Variants in EHMT2 observed in about 807,000 individuals in gnomAD.
The protein encoded by EHMT2 is euchromatic histone lysine methyltransferase 2.
EHMT2 carries 59 observed loss-of-function variants against 143.3 expected under a neutral mutation model. The observed-to-expected ratio is 0.41, with a 90% CI of 0.33 to 0.51. EHMT2 has a LOEUF of 0.51. Among genes scored for constraint, EHMT2 ranks in the 20% least tolerant of loss-of-function variants. The probability of loss-of-function intolerance (pLI) is 0.18; values close to 1 mark genes in which losing one functional copy is unlikely to be tolerated. For missense variants in EHMT2, 1,174 were observed against 1,645.9 expected (o/e 0.71, Z 4.96); for synonymous variants, 604 against 651.5 (o/e 0.93, Z 1.11).
Position 31,884,020 on chromosome 6 carries a change from A to G in EHMT2, c.2772-70T>C. 6.4e-7 allele frequency: 1 copy of G among 1,564,138 alleles called. No homozygotes were observed. Among genetic ancestry groups the G allele is most frequent in the Non-Finnish European group, 8.7e-7 (1 of 1,151,862 alleles). On this transcript the variant is annotated intron_variant, in intron 21 of 27. Coordinates refer to ENST00000375537, the Ensembl canonical transcript of EHMT2. The surrounding 1 kb of genome is among the most constrained non-coding windows in gnomAD (Gnocchi z 7.3). ...TGAGGAGCTACTCCAGGTATAAGGA[A>G]GAGAGTTGGGGAGGTTCCTGGGGCT...
chr6:31,891,738 ACAATG>A (rs1437715919), intron 7 of EHMT2, among the ~76,000 whole-genome samples: 1 of 152,264 alleles, frequency 6.6e-6, no homozygotes, highest in Non-Finnish European at 1.5e-5. Flanking sequence ...CAAATAAATG[ACAATG>A]CAATGCTTTT....
intron 25 of EHMT2, among the ~76,000 whole-genome samples, chr6:31,882,002 G>C (rs1018003859): frequency 2.6e-5 from 4 of 152,074 alleles, no homozygotes; most frequent in Non-Finnish European, 4.4e-5. Context: ...CTACTTGGGA[G>C]GCTGAGGCAG....
intron 7 of EHMT2, among the ~76,000 whole-genome samples, chr6:31,891,146 T>C (rs1765631567): frequency 6.6e-6 from 1 of 152,054 alleles, no homozygotes; most frequent in Non-Finnish European, 1.5e-5. Context: ...GGTTTCTCCA[T>C]GTTGATCAGG....
chr6:31,887,138 A>G (rs751377042), intron 15 of EHMT2, 37 bp from the exon 16 acceptor site: 1 of 1,548,434 alleles, frequency 6.5e-7, no homozygotes, highest in Non-Finnish European at 8.8e-7. Context: ...AGAGGGAGGG[A>G]CAAGTGGTAA....
Position 31,889,190 on chromosome 6 carries a change from G to A in EHMT2, c.1114+38C>T. The A allele has an allele frequency of 6.4e-7, 1 of 1,573,092 alleles. No individual in the cohort carries two copies. The highest frequency in any genetic ancestry group is 8.6e-7 in the Non-Finnish European group (1 of 1,159,084). On this transcript the variant is annotated intron_variant, in intron 9 of 27. Coordinates refer to ENST00000375537, the Ensembl canonical transcript of EHMT2. The surrounding 1 kb of genome is among the most constrained non-coding windows in gnomAD (Gnocchi z 5.1). ...GCACACACTCTGGGGGGCCGGGCGGGGGCTGGAGGGCACCCAAAAGCAGCA... is the reference window on the plus strand; with the variant it reads ...GCACACACTCTGGGGGGCCGGGCGGAGGCTGGAGGGCACCCAAAAGCAGCA...
At position 31,881,301 on chromosome 6, in the gene EHMT2, G is replaced by C. The variant is rs1262502289; in HGVS notation, c.3198-209C>G. On this transcript the variant is annotated intron_variant, in intron 25 of 27. Coordinates refer to ENST00000375537, the Ensembl canonical transcript of EHMT2. The surrounding 1 kb of genome is among the most constrained non-coding windows in gnomAD (Gnocchi z 4.8). ...GAAGCCTTCAGTCAGCACAGAGACA[G>C]ACAACAAGCTCTGTGGTTAAGGGGA... 5 of 620,994 alleles carry C rather than the reference G, an allele frequency of 8.1e-6. No homozygotes were observed. The East Asian group carries it at 8.2e-5, about 10-fold the overall frequency. 38.5% of individuals were successfully genotyped at this position (620,994 alleles called of 1,614,324 possible). A position where few individuals can be genotyped will look rare whatever the true frequency, so the allele number is the denominator to read the frequency against.
chr6:31,885,055 C>T, intron 18 of EHMT2, 39 bp from the exon 19 acceptor site: 1 of 1,572,636 alleles, frequency 6.4e-7, no homozygotes, highest in Non-Finnish European at 8.7e-7. Context: ...GGCAGCTGGC[C>T]CTGCTCACCA....
At chr6:31,886,710 T>C in intron 17 of EHMT2, 28 bp from the exon 18 acceptor site, 1 of 1,613,950 alleles carries the variant, frequency 6.2e-7, no homozygotes, top group Non-Finnish European at 8.5e-7. Context: ...AAATGAGCCT[T>C]TGGGCTGGCA....
chr6:31,894,216 G>A (rs1030951376), intron 4 of EHMT2, among the ~76,000 whole-genome samples: 6 of 151,758 alleles, frequency 4.0e-5, no homozygotes, highest in South Asian at 2.1e-4. Context: ...GCAGGATCTC[G>A]GCTAACTACA....
chr6:31,883,691 G>GATC lies in EHMT2; in HGVS notation c.2916+114_2916+115insGAT. 7.0e-7 allele frequency: 1 copy of GATC among 1,435,510 alleles called. No individual in the cohort carries two copies. The highest frequency in any genetic ancestry group is 9.6e-7 in the Non-Finnish European group (1 of 1,046,002). 88.9% of individuals were successfully genotyped at this position (1,435,510 alleles called of 1,614,324 possible). A position where few individuals can be genotyped will look rare whatever the true frequency, so the allele number is the denominator to read the frequency against. Reference sequence around the variant, plus strand: ...GGTGGGGATGCGACCCCACACCAGGGCTCCCTTTCAGCCAACCCTTCCTTG... The same window carrying GATC: ...GGTGGGGATGCGACCCCACACCAGGGATCCTCCCTTTCAGCCAACCCTTCCTTG... On this transcript the variant is annotated intron_variant, in intron 22 of 27. Transcript: ENST00000375537. The surrounding 1 kb of genome is among the most constrained non-coding windows in gnomAD (Gnocchi z 5.6).
At position 31,884,761 on chromosome 6, in the gene EHMT2, G is replaced by T; in HGVS notation, c.2487C>A (p.Gly829=). 6.2e-7 allele frequency: 1 copy of T among 1,601,760 alleles called. No homozygotes were observed. The highest frequency in any genetic ancestry group is 8.5e-7 in the Non-Finnish European group (1 of 1,174,590). ...GAAGGACTTCGGCGATGGCGGCGCTGCCCGTGAAGGAGGCCCAGTGCAGGC... is the reference window on the plus strand; with the variant it reads ...GAAGGACTTCGGCGATGGCGGCGCTTCCCGTGAAGGAGGCCCAGTGCAGGC... Residue 829 remains glycine (G), a synonymous_variant, in exon 20 of 28, where the codon GGC becomes GGA. Coordinates refer to ENST00000375537, the Ensembl canonical transcript of EHMT2. This position sits in a 1 kb window ranked among gnomAD's most constrained non-coding sequence, Gnocchi z 7.3.
At chr6:31,885,283 G>A (rs1764686749) in intron 18 of EHMT2, 2 of 391,726 alleles carry the variant, frequency 5.1e-6, no homozygotes, top group Non-Finnish European at 9.2e-6. Context: ...GGAGGCCATT[G>A]TGGCCAACAC....
rs201104297 is a variant in EHMT2 at position 31,889,302 on chromosome 6, C to T, written c.1040G>A (p.Arg347Gln). 48 of 1,612,396 alleles carry T rather than the reference C, an allele frequency of 3.0e-5. No individual in the cohort carries two copies. Among genetic ancestry groups the T allele is most frequent in the Non-Finnish European group, 3.6e-5 (43 of 1,180,020 alleles). The change falls in exon 9 of 28, where the codon CGA becomes CAA. Residue 347 changes from arginine to glutamine, a missense_variant. Around this residue, in one of 6 missense-constraint regions of EHMT2, gnomAD observed 608 missense variants for 903.7 expected, o/e 0.67. Coordinates refer to ENST00000375537, the Ensembl canonical transcript of EHMT2. The surrounding 1 kb of genome is among the most constrained non-coding windows in gnomAD (Gnocchi z 5.1). ...CGGCTTCACCCATGGGCTGTCTTTT[C>T]GCCATTTCTTCTTGGCCTTGCGCCG...
At chr6:31,897,420 G>C (rs1313815385) in intron 1 of EHMT2, among the ~76,000 whole-genome samples, 1 of 149,932 alleles carries the variant, frequency 6.7e-6, no homozygotes, top group Non-Finnish European at 1.5e-5. Flanking sequence ...CGCCCACTCA[G>C]GGGCAGCCGG....
At chr6:31,891,101 T>C (rs1241495997) in intron 7 of EHMT2, among the ~76,000 whole-genome samples, 1 of 151,820 alleles carries the variant, frequency 6.6e-6, no homozygotes, top group Non-Finnish European at 1.5e-5. Context: ...TACCACTACG[T>C]CCAGCTAATT....
In EHMT2 at chr6:31,888,077, T is replaced by C. The variant is rs1324885850; in HGVS notation, c.1709A>G (p.Gln570Arg). The C allele has an allele frequency of 6.2e-7, 1 of 1,603,588 alleles. No individual in the cohort carries two copies. Among genetic ancestry groups the C allele is most frequent in the East Asian group, 2.2e-5 (1 of 44,598 alleles). ...AGTGTCTGCTCTCCCGGGGACATCC[T>C]GGGACAGGGGTGGGGGTGCAGGAGC... The change falls in exon 13 of 28, where the codon CAG becomes CGG. Residue 570 changes from glutamine (Q) to arginine (R), a missense_variant. Coordinates refer to ENST00000375537, the Ensembl canonical transcript of EHMT2. This position sits in a 1 kb window ranked among gnomAD's most constrained non-coding sequence, Gnocchi z 7.4.
At position 31,888,212 on chromosome 6, in the gene EHMT2, G is replaced by C. The variant is rs1255295381; in HGVS notation, c.1574C>G (p.Ser525Cys). 1 of 1,612,898 alleles carries C rather than the reference G, an allele frequency of 6.2e-7. No homozygotes were observed. Among genetic ancestry groups the C allele is most frequent in the Non-Finnish European group, 8.5e-7 (1 of 1,180,010 alleles). The stretch of plus-strand genomic sequence containing the variant: ...ACAGAAGACCATCCCATTCAGCTGA[G>C]ACACACAGGCCTTGTGGAAGCGGTG... The change falls in exon 13 of 28, where the codon TCT becomes TGT. Residue 525 changes from serine to cysteine, a missense_variant. By Grantham distance (112) the Ser-to-Cys change is moderately radical. Transcript: ENST00000375537. This position sits in a 1 kb window ranked among gnomAD's most constrained non-coding sequence, Gnocchi z 7.4.
In EHMT2 at chr6:31,884,232, T is replaced by TA. The variant is rs1346211790; in HGVS notation, c.2771+159dup. 1 of 847,926 alleles carries TA rather than the reference T, an allele frequency of 1.2e-6. No individual in the cohort carries two copies. The highest frequency in any genetic ancestry group is 2.7e-5 in the East Asian group (1 of 37,394). 52.5% of individuals were successfully genotyped at this position (847,926 alleles called of 1,614,324 possible). A position where few individuals can be genotyped will look rare whatever the true frequency, so the allele number is the denominator to read the frequency against. On this transcript the variant is annotated intron_variant, in intron 21 of 27. Coordinates refer to ENST00000375537, the Ensembl canonical transcript of EHMT2. This position sits in a 1 kb window ranked among gnomAD's most constrained non-coding sequence, Gnocchi z 7.3. ...GGGTGTCTTCTATTTTTATTTGCTGTATCTGGCAACCCTAGTGGGGAGGGG... is the reference window on the plus strand; with the variant it reads ...GGGTGTCTTCTATTTTTATTTGCTGTAATCTGGCAACCCTAGTGGGGAGGGG...
At chr6:31,897,167 C>T (rs984720087) in intron 1 of EHMT2, 178 bp from the exon 2 acceptor site, 2 of 1,332,052 alleles carry the variant, frequency 1.5e-6, no homozygotes, top group South Asian at 2.1e-5. Context: ...TCCCCCGGGC[C>T]CGCATCAACC....
Sources: allele counts gnomAD v4.1 joint callset (sites outside exome capture counted in the v4.1 genomes callset), GRCh38; gene constraint gnomAD v4.1.1; regional missense constraint gnomAD v4.1.1; non-coding constraint Gnocchi (gnomAD v3.1); transcripts MANE v1.5; gene names NCBI Gene and HGNC (gene_info 2026-07-23, HGNC 2026-07-21).